Variants in ABCB1 observed in about 807,000 individuals in gnomAD.
The protein encoded by ABCB1 is ATP-dependent translocase ABCB1.
Under a neutral mutation model 142.0 loss-of-function variants are expected in ABCB1, and 69 were observed. The ratio of observed to expected loss-of-function variants is 0.49; its 90% confidence interval spans 0.40 to 0.59. The LOEUF (loss-of-function observed/expected upper bound fraction) is 0.59. Ranked by LOEUF, ABCB1 falls within the 20% of genes least tolerant of loss-of-function variation. The probability of loss-of-function intolerance (pLI) is 0.00; values close to 1 mark genes in which losing one functional copy is unlikely to be tolerated. For synonymous variants in ABCB1, 532 were observed against 539.2 expected (o/e 0.99, Z 0.18); for missense variants, 1,326 against 1,554.7 (o/e 0.85, Z 2.47).
At chr7:87,609,829 C>T (rs1475840656) in intron 1 of ABCB1, among the ~76,000 whole-genome samples, 4 of 150,496 alleles carry the variant, frequency 2.7e-5, no homozygotes, top group Admixed American at 2.0e-4. Context: ...AACTGAGGCC[C>T]GAGGTGGATT....
chr7:87,637,302 T>A (rs1333262228), intron 1 of ABCB1, among the ~76,000 whole-genome samples: 1 of 152,252 alleles, frequency 6.6e-6, no homozygotes, highest in Non-Finnish European at 1.5e-5. Flanking sequence ...CCTGAGCTAA[T>A]ATCGTACTAA....
intron 8 of ABCB1, among the ~76,000 whole-genome samples, chr7:87,557,856 G>T (rs916665603): frequency 2.6e-5 from 4 of 152,074 alleles, no homozygotes; most frequent in Admixed American, 6.5e-5. Flanking sequence ...AATATTGTCA[G>T]TTCCTCAAAT....
At chr7:87,694,141 T>C (rs1828284699) in intron 1 of ABCB1, 1 of 612,972 alleles carries the variant, frequency 1.6e-6, no homozygotes, top group South Asian at 7.2e-5. Flanking sequence ...ATGCTTATGC[T>C]AATTTTAAAA....
At chr7:87,565,978 G>A in intron 7 of ABCB1, 92 bp downstream of exon 7, 1 of 1,373,180 alleles carries the variant, frequency 7.3e-7, no homozygotes, top group East Asian at 2.3e-5. Context: ...TACAGAATCA[G>A]AGTCATCATG....
intron 1 of ABCB1, among the ~76,000 whole-genome samples, chr7:87,612,580 G>A (rs1819890114): frequency 6.6e-6 from 1 of 152,036 alleles, no homozygotes; most frequent in African/African-American, 2.4e-5. Flanking sequence ...TAAGTATTTG[G>A]CTTTATTTCT....
chr7:87,648,816 A>G (rs1823284319), intron 1 of ABCB1, among the ~76,000 whole-genome samples: 1 of 152,138 alleles, frequency 6.6e-6, no homozygotes, highest in Non-Finnish European at 1.5e-5. Context: ...CATGGTTTCA[A>G]CTTGCAGAGT....
At chr7:87,710,447 T>G (rs1161003467) in intron 1 of ABCB1, 5 of 617,966 alleles carry the variant, frequency 8.1e-6, no homozygotes, top group South Asian at 2.1e-5. Flanking sequence ...AACATTTTTC[T>G]TAGTCGTTAT....
At chr7:87,523,531 G>A in intron 21 of ABCB1, among the ~76,000 whole-genome samples, 1 of 152,168 alleles carries the variant, frequency 6.6e-6, no homozygotes, top group East Asian at 1.9e-4. Context: ...GGGAGGCAGA[G>A]GAAGCGCTCG....
At chr7:87,559,893 T>C (rs1427450181) in intron 8 of ABCB1, among the ~76,000 whole-genome samples, 2 of 152,186 alleles carry the variant, frequency 1.3e-5, no homozygotes, top group Admixed American at 6.5e-5. Flanking sequence ...GCATATTATT[T>C]TTCTGGTCCA....
At chr7:87,513,368 A>G (rs1028940524) in intron 25 of ABCB1, among the ~76,000 whole-genome samples, 1 of 152,126 alleles carries the variant, frequency 6.6e-6, no homozygotes, top group African/African-American at 2.4e-5. Context: ...GATGCTGTCC[A>G]TGTTTTATTA....
chr7:87,653,898 C>T (rs1823822427), intron 1 of ABCB1, among the ~76,000 whole-genome samples: 1 of 151,874 alleles, frequency 6.6e-6, no homozygotes, highest in African/African-American at 2.4e-5. Flanking sequence ...CTGTATTAGT[C>T]AGAATTTAAG....
chr7:87,577,783 T>G (rs1378927842), intron 4 of ABCB1, among the ~76,000 whole-genome samples: 1 of 152,210 alleles, frequency 6.6e-6, no homozygotes, highest in Non-Finnish European at 1.5e-5. Context: ...TTTTTCCTAT[T>G]GAGTTGTTTG....
intron 4 of ABCB1, among the ~76,000 whole-genome samples, chr7:87,579,153 T>C (rs975376925): frequency 2.0e-5 from 3 of 152,244 alleles, no homozygotes; most frequent in African/African-American, 7.2e-5. Context: ...AAATATAAGA[T>C]TGTATCATCT....
chr7:87,701,031 A>G (rs1213640737), intron 1 of ABCB1, among the ~76,000 whole-genome samples: 2 of 152,200 alleles, frequency 1.3e-5, no homozygotes, highest in Non-Finnish European at 2.9e-5. Flanking sequence ...AATTCTTATT[A>G]AATCTCAACT....
At chr7:87,667,416 T>C (rs1825370748) in intron 1 of ABCB1, among the ~76,000 whole-genome samples, 1 of 151,946 alleles carries the variant, frequency 6.6e-6, no homozygotes, top group African/African-American at 2.4e-5. Flanking sequence ...TTTCTAGATA[T>C]AGAATCATGT....
chr7:87,710,838 C>T (rs1158513779), intron 1 of ABCB1, among the ~76,000 whole-genome samples: 1 of 152,148 alleles, frequency 6.6e-6, no homozygotes, highest in Non-Finnish European at 1.5e-5. Flanking sequence ...AAACATACAT[C>T]TACCTTTCTG....
chr7:87,528,988 A>G (rs1217641676), intron 21 of ABCB1, among the ~76,000 whole-genome samples: 1 of 152,224 alleles, frequency 6.6e-6, no homozygotes, highest in Non-Finnish European at 1.5e-5. Context: ...GAGTTAGATC[A>G]TACAGAGTTT....
At chr7:87,687,965 A>T (rs1480606541) in intron 1 of ABCB1, among the ~76,000 whole-genome samples, 1 of 152,150 alleles carries the variant, frequency 6.6e-6, no homozygotes, top group Non-Finnish European at 1.5e-5. Flanking sequence ...TTTGTTGGAA[A>T]ATGAGACTTA....
chr7:87,566,054 C>G lies in ABCB1; in HGVS notation c.702+16G>C. 1 of 1,614,068 alleles carries G rather than the reference C, an allele frequency of 6.2e-7. No individual in the cohort carries two copies. Among genetic ancestry groups the G allele is most frequent in the Non-Finnish European group, 8.5e-7 (1 of 1,179,958 alleles). On this transcript the variant is annotated intron_variant, in intron 7 of 27. Coordinates refer to ENST00000622132, the MANE Select transcript of ABCB1 (RefSeq NM_001348946.2). ...GAAGGTGCAGTTCAAAATCTGGATTCACAGGCTTCACCTACCTTTGCCCAG... is the reference window on the plus strand; with the variant it reads ...GAAGGTGCAGTTCAAAATCTGGATTGACAGGCTTCACCTACCTTTGCCCAG...
Sources: allele counts gnomAD v4.1 joint callset (sites outside exome capture counted in the v4.1 genomes callset), GRCh38; gene constraint gnomAD v4.1.1; transcripts MANE v1.5; gene names NCBI Gene and HGNC (gene_info 2026-07-23, HGNC 2026-07-21).